The following COL7A1 variants were observed in gnomAD, a reference collection of about 807,000 sequenced individuals.
The protein encoded by COL7A1 is collagen alpha-1(VII) chain.
Under a neutral mutation model 456.2 loss-of-function variants are expected in COL7A1, and 296 were observed. That is an observed-to-expected ratio of 0.65 (90% CI 0.59 to 0.71). The LOEUF (loss-of-function observed/expected upper bound fraction) is 0.71, where lower values mean the gene tolerates loss of function less well. COL7A1 is among the 30% of genes least tolerant of loss of function. The pLI, the probability that COL7A1 is intolerant of heterozygous loss-of-function variation, is 0.00. For synonymous variants in COL7A1, 1,464 were observed against 1,525.9 expected (o/e 0.96, Z 0.95); for missense variants, 3,441 against 4,017.2 (o/e 0.86, Z 3.88).
At position 48,587,658 on chromosome 3, in the gene COL7A1, G is replaced by C. The variant is rs147546421; in HGVS notation, c.2858-104C>G. 1,128 of 1,602,432 alleles carry C rather than the reference G, an allele frequency of 7.0e-4. 8 individuals carry two copies. The African/African-American group carries it at 0.013, about 18-fold the overall frequency. The stretch of plus-strand genomic sequence containing the variant: ...CGGTTTGTCTTATTGAAGCATCATG[G>C]GAGGTCATGCTGGGGTCACCCAGGG... On this transcript the variant is annotated intron_variant, in intron 22 of 118. Coordinates refer to ENST00000681320, the MANE Select transcript of COL7A1 (RefSeq NM_000094.4). The surrounding 1 kb of genome is among the most constrained non-coding windows in gnomAD (Gnocchi z 6.1).
chr3:48,586,197 C>T lies in COL7A1; in HGVS notation c.3600G>A (p.Leu1200=). Residue 1200 remains leucine, a synonymous_variant, in exon 28 of 119, where the codon CTG becomes CTA. Coordinates refer to ENST00000681320, the MANE Select transcript of COL7A1 (RefSeq NM_000094.4). This position sits in a 1 kb window ranked among gnomAD's most constrained non-coding sequence, Gnocchi z 5.1. ...LGMAGADPEQ[L]RRLAPGMDSV... is the part of the protein sequence containing the mutation. ...AGTCCATACCCGGCGCCAAGCGACGCAGCTGCTCTGGGTCCGCTCCAGCCA... is the reference window on the plus strand; with the variant it reads ...AGTCCATACCCGGCGCCAAGCGACGTAGCTGCTCTGGGTCCGCTCCAGCCA... 2.5e-6 allele frequency: 4 copies of T among 1,613,446 alleles called. No homozygotes were observed. Among genetic ancestry groups the T allele is most frequent in the Non-Finnish European group, 3.4e-6 (4 of 1,180,048 alleles).
chr3:48,584,447 C>T (rs546949709), intron 36 of COL7A1, 38 bp downstream of exon 36: 9 of 1,613,540 alleles, frequency 5.6e-6, no homozygotes, highest in Admixed American at 1.7e-5. Context: ...TTGGTCCCCC[C>T]ACTACACATC....
In COL7A1 at chr3:48,579,155, G is replaced by T. The variant is rs373716587; in HGVS notation, c.5388+42C>A. ...GGGGTCTAGGGTCCTCATGTGAAGG[G>T]GTAGGGGAAGGGGACAACCAGGCAG... On this transcript the variant is annotated intron_variant, in intron 62 of 118. Coordinates refer to ENST00000681320, the MANE Select transcript of COL7A1 (RefSeq NM_000094.4). The surrounding 1 kb of genome is among the most constrained non-coding windows in gnomAD (Gnocchi z 4.4). 1.1e-5 allele frequency: 17 copies of T among 1,605,228 alleles called. No individual in the cohort carries two copies. The highest frequency in any genetic ancestry group is 5.0e-5 in the Admixed American group (3 of 60,004).
chr3:48,594,472 G>C lies in COL7A1; in HGVS notation c.162C>G (p.Phe54Leu). ...CTTCGAGAAAGCTGCGGACCTCGCG[G>C]AAATTGCTGCGGCCAATGGATGAGG... ...DGSSSIGRSN[F>L]REVRSFLEGL... The change falls in exon 3 of 119, where the codon TTC (phenylalanine) becomes TTG (leucine). Residue 54 changes from phenylalanine to leucine, a missense_variant. Around this residue, in one of 3 missense-constraint regions of COL7A1, gnomAD observed 913 missense variants for 1,088.2 expected, o/e 0.84. Coordinates refer to ENST00000681320, the MANE Select transcript of COL7A1 (RefSeq NM_000094.4). The surrounding 1 kb of genome is among the most constrained non-coding windows in gnomAD (Gnocchi z 5.5). 6.2e-7 allele frequency: 1 copy of C among 1,612,396 alleles called. No homozygotes were observed. The highest frequency in any genetic ancestry group is 2.2e-5 in the East Asian group (1 of 44,892).
Position 48,588,611 on chromosome 3 carries a change from T to A in COL7A1, c.2587+31A>T, listed in dbSNP as rs534503266. ...ATCCCCAAACCATCCACACCACCCA[T>A]CCGAAGCTCTCCAGCGCATGCTCTG... On this transcript the variant is annotated intron_variant, in intron 20 of 118. Transcript: ENST00000681320. The surrounding 1 kb of genome is among the most constrained non-coding windows in gnomAD (Gnocchi z 4.6). 6.2e-7 allele frequency: 1 copy of A among 1,613,662 alleles called. No individual in the cohort carries two copies. Among genetic ancestry groups the A allele is most frequent in the East Asian group, 2.2e-5 (1 of 44,886 alleles).
rs933163262 is a variant in COL7A1, at chr3:48,568,328, G to T, written c.7795-158C>A. On this transcript the variant is annotated intron_variant, in intron 105 of 118. Coordinates refer to ENST00000681320, the MANE Select transcript of COL7A1 (RefSeq NM_000094.4). The surrounding 1 kb of genome is among the most constrained non-coding windows in gnomAD (Gnocchi z 5.2). ...TGGGGACAAGGGTCACCATAGGCAG[G>T]GGACACCATCATAGGCGGCTACTGT... The T allele has an allele frequency of 8.4e-6, 9 of 1,067,012 alleles. No homozygotes were observed. The Admixed American group carries it at 1.4e-4, about 17-fold the overall frequency. The allele number at this position is 1,067,012 out of a possible 1,614,324, so 66.1% of individuals were successfully genotyped here.
chr3:48,585,766 C>G lies in COL7A1; in HGVS notation c.3787-32G>C, dbSNP rs1160700821. Reference sequence around the variant, plus strand: ...AGGGTAATCAGTGAGACCTGTGCTGCCAACCTCTCCTGCCCCACTGACACT... The same window carrying G: ...AGGGTAATCAGTGAGACCTGTGCTGGCAACCTCTCCTGCCCCACTGACACT... On this transcript the variant is annotated intron_variant, in intron 30 of 118. Coordinates refer to ENST00000681320, the MANE Select transcript of COL7A1 (RefSeq NM_000094.4). The surrounding 1 kb of genome is among the most constrained non-coding windows in gnomAD (Gnocchi z 4.5). 1.2e-6 allele frequency: 2 copies of G among 1,614,002 alleles called. No individual in the cohort carries two copies. Among genetic ancestry groups the G allele is most frequent in the Non-Finnish European group, 1.7e-6 (2 of 1,180,002 alleles).
rs374906960 is a variant in COL7A1, at chr3:48,568,891, C to G, written c.7687-36G>C. The G allele has an allele frequency of 6.4e-7, 1 of 1,550,390 alleles. No individual in the cohort carries two copies. The highest frequency in any genetic ancestry group is 1.2e-5 in the South Asian group (1 of 84,460). On this transcript the variant is annotated intron_variant, in intron 103 of 118. Transcript: ENST00000681320. This position sits in a 1 kb window ranked among gnomAD's most constrained non-coding sequence, Gnocchi z 5.2. ...GACCAGGAGAGGGATTCAGTCAGGACCAGATCAGGCTGGGGGCTTAGAATA... is the reference window on the plus strand; with the variant it reads ...GACCAGGAGAGGGATTCAGTCAGGAGCAGATCAGGCTGGGGGCTTAGAATA...
chr3:48,583,964 A>T lies in COL7A1; in HGVS notation c.4225-11T>A. On this transcript the variant is annotated splice_polypyrimidine_tract_variant and intron_variant, in intron 38 of 118. Coordinates refer to ENST00000681320, the MANE Select transcript of COL7A1 (RefSeq NM_000094.4). This position sits in a 1 kb window ranked among gnomAD's most constrained non-coding sequence, Gnocchi z 5.1. ...TGGTCCAGGGGGACCCTGGGAGAGAACAGCAGGTCAGGGAATGAACAGGGG... is the reference window on the plus strand; with the variant it reads ...TGGTCCAGGGGGACCCTGGGAGAGATCAGCAGGTCAGGGAATGAACAGGGG... 6.2e-7 allele frequency: 1 copy of T among 1,614,022 alleles called. No individual in the cohort carries two copies.
Position 48,585,969 on chromosome 3 carries a change from G to A in COL7A1, c.3730C>T (p.Pro1244Ser), listed in dbSNP as rs1235362050. 6.2e-7 allele frequency: 1 copy of A among 1,613,966 alleles called. No homozygotes were observed. Residue 1244 changes from proline (P) to serine (S), a missense_variant, in exon 29 of 119, where the codon CCA (proline) becomes TCA (serine). Around this residue, in one of 3 missense-constraint regions of COL7A1, gnomAD observed 2,084 missense variants for 2,501.3 expected, o/e 0.83. Coordinates refer to ENST00000681320, the MANE Select transcript of COL7A1 (RefSeq NM_000094.4). This position sits in a 1 kb window ranked among gnomAD's most constrained non-coding sequence, Gnocchi z 4.5. ...CQASFTTQPR[P>S]EPCPVYCPKG... ...GGACAATACACTGGGCAGGGCTCTG[G>A]CCGGGGCTGCGGACATAGGGTCTCT...
rs1228123511 is a variant in COL7A1, at chr3:48,567,105, C to T, written c.8109+23G>A. ...CAAAGTGCACGCTCCCCTCAATTCA[C>T]CATGACCATGGCTTCAACTCACCCG... On this transcript the variant is annotated intron_variant, in intron 110 of 118. Transcript: ENST00000681320. This position sits in a 1 kb window ranked among gnomAD's most constrained non-coding sequence, Gnocchi z 4.3. The T allele has an allele frequency of 3.7e-6, 6 of 1,613,976 alleles. No individual in the cohort carries two copies. The South Asian group carries it at 5.5e-5, about 15-fold the overall frequency.
rs748842408 is a variant in COL7A1, at chr3:48,576,514, G to C, written c.5736+8C>G. The C allele has an allele frequency of 6.2e-7, 1 of 1,611,634 alleles. No homozygotes were observed. On this transcript the variant is annotated splice_region_variant and intron_variant, in intron 69 of 118. Coordinates refer to ENST00000681320, the MANE Select transcript of COL7A1 (RefSeq NM_000094.4). Reference sequence around the variant, plus strand: ...TCACCACGCCCCCTACCCAACATCCGCACTCACCTTGGGGCCCGTGCCTCC... The same window carrying C: ...TCACCACGCCCCCTACCCAACATCCCCACTCACCTTGGGGCCCGTGCCTCC...
chr3:48,572,391 C>G lies in COL7A1; in HGVS notation c.6967G>C (p.Val2323Leu). 1 of 1,614,144 alleles carries G rather than the reference C, an allele frequency of 6.2e-7. No individual in the cohort carries two copies. Among genetic ancestry groups the G allele is most frequent in the Non-Finnish European group, 8.5e-7 (1 of 1,180,014 alleles). Residue 2323 changes from valine (V) to leucine (L), a missense_variant, in exon 90 of 119, where the codon GTG becomes CTG. Physicochemically the swap from Val to Leu is conservative, Grantham distance 32 (BLOSUM62 1). Around this residue, in one of 3 missense-constraint regions of COL7A1, gnomAD observed 2,084 missense variants for 2,501.3 expected, o/e 0.83. Transcript: ENST00000681320. This position sits in a 1 kb window ranked among gnomAD's most constrained non-coding sequence, Gnocchi z 4.6. ...GAPGGLAGDL[V>L]GEPGAKGDRG... Reference sequence around the variant, plus strand: ...AGTTCCCTACTTACCGGCTCACCCACCAGGTCTCCAGCAAGGCCTCCAGGG... The same window carrying G: ...AGTTCCCTACTTACCGGCTCACCCAGCAGGTCTCCAGCAAGGCCTCCAGGG...
Position 48,583,129 on chromosome 3 carries a change from T to C in COL7A1, c.4480A>G (p.Lys1494Glu), listed in dbSNP as rs2107723957. 3.7e-6 allele frequency: 6 copies of C among 1,613,900 alleles called. No homozygotes were observed. The highest frequency in any genetic ancestry group is 5.1e-6 in the Non-Finnish European group (6 of 1,179,970). ...FPGPLGEAGE[K>E]GERGPPGPAG... ...GGCACCCCCCAGGTTGCACTTACCT[T>C]CTCTCCAGCCTCACCCAGGGGCCCT... Residue 1494 changes from lysine to glutamate, a missense_variant and splice_region_variant, in exon 43 of 119, where the codon AAG becomes GAG. By Grantham distance (56) the Lys-to-Glu change is moderately conservative. This residue lies in a region of COL7A1 where 2,084 missense variants were observed against 2,501.3 expected (regional missense o/e 0.83). Transcript: ENST00000681320. This position sits in a 1 kb window ranked among gnomAD's most constrained non-coding sequence, Gnocchi z 5.1.
At position 48,587,066 on chromosome 3, in the gene COL7A1, G is replaced by A. The variant is rs553468091; in HGVS notation, c.3182C>T (p.Ala1061Val). The change falls in exon 25 of 119, where the codon GCC becomes GTC. Residue 1061 changes from alanine (A) to valine (V), a missense_variant. Coordinates refer to ENST00000681320, the MANE Select transcript of COL7A1 (RefSeq NM_000094.4). This position sits in a 1 kb window ranked among gnomAD's most constrained non-coding sequence, Gnocchi z 6.1. ...GLADVVFLPH[A>V]TQDNAHRAEA... ...CGCACGGTGAGCATTGTCTTGAGTGGCATGTGGTAGGAACACCACATCCGC... is the reference window on the plus strand; with the variant it reads ...CGCACGGTGAGCATTGTCTTGAGTGACATGTGGTAGGAACACCACATCCGC... 1.1e-5 allele frequency: 17 copies of A among 1,610,786 alleles called. No individual in the cohort carries two copies. In the East Asian group the frequency reaches 3.3e-4, roughly 32 times the overall value.
chr3:48,590,580 C>T lies in COL7A1; in HGVS notation c.1785G>A (p.Pro595=), dbSNP rs749549682. Residue 595 remains proline (P), a synonymous_variant, in exon 15 of 119, where the codon CCG becomes CCA. Coordinates refer to ENST00000681320, the MANE Select transcript of COL7A1 (RefSeq NM_000094.4). The surrounding 1 kb of genome is among the most constrained non-coding windows in gnomAD (Gnocchi z 4.6). ...SASVLTVRRE[P]ETPLAVPGLR... is the part of the protein sequence containing the mutation. ...GCCCTGGAACAGCAAGTGGAGTTTCCGGCTCTAGGAGTTACAGACAGAAGT... is the reference window on the plus strand; with the variant it reads ...GCCCTGGAACAGCAAGTGGAGTTTCTGGCTCTAGGAGTTACAGACAGAAGT... The T allele has an allele frequency of 1.2e-5, 20 of 1,614,114 alleles. No homozygotes were observed. The highest frequency in any genetic ancestry group is 1.5e-5 in the Non-Finnish European group (18 of 1,180,032).
At chr3:48,582,106 G>A (rs1280181389) in intron 47 of COL7A1, among the ~76,000 whole-genome samples, 163 bp from the exon 48 acceptor site, 1 of 152,184 alleles carries the variant, frequency 6.6e-6, no homozygotes, top group Non-Finnish European at 1.5e-5. Context: ...TATACAAAAT[G>A]GACTGACACA....
At position 48,578,957 on chromosome 3, in the gene COL7A1, G is replaced by A. The variant is rs199808370; in HGVS notation, c.5389-3C>T. 1 of 1,614,000 alleles carries A rather than the reference G, an allele frequency of 6.2e-7. No individual in the cohort carries two copies. The highest frequency in any genetic ancestry group is 2.2e-5 in the East Asian group (1 of 44,876). On this transcript the variant is annotated splice_region_variant and splice_polypyrimidine_tract_variant and intron_variant, in intron 62 of 118. Transcript: ENST00000681320. This position sits in a 1 kb window ranked among gnomAD's most constrained non-coding sequence, Gnocchi z 4.7. ...TCCCCAGCTTTGCCTGCAGCACCCT[G>A]AGGAGAGACTCAAAGTCAGTTCATC...
rs1179954305 is a variant in COL7A1 at position 48,570,822 on chromosome 3, G to A, written c.7272+39C>T. The A allele has an allele frequency of 2.5e-6, 4 of 1,581,982 alleles. No homozygotes were observed. The highest frequency in any genetic ancestry group is 3.4e-6 in the Non-Finnish European group (4 of 1,163,826). The stretch of plus-strand genomic sequence containing the variant: ...CAGGGCCCCCTCCTCACCCACCATG[G>A]ATTCACCATGCCCCTACATGCTGTT... On this transcript the variant is annotated intron_variant, in intron 95 of 118. Transcript: ENST00000681320. The surrounding 1 kb of genome is among the most constrained non-coding windows in gnomAD (Gnocchi z 5.5).
Sources: allele counts gnomAD v4.1 joint callset (sites outside exome capture counted in the v4.1 genomes callset), GRCh38; gene constraint gnomAD v4.1.1; regional missense constraint gnomAD v4.1.1; non-coding constraint Gnocchi (gnomAD v3.1); transcripts MANE v1.5; gene names NCBI Gene and HGNC (gene_info 2026-07-23, HGNC 2026-07-21).